Variants in MARF1 observed in about 807,000 individuals in gnomAD.
MARF1 encodes limkain-b1.
Under a neutral mutation model 168.2 loss-of-function variants are expected in MARF1, and 24 were observed. The ratio of observed to expected loss-of-function variants is 0.14; its 90% CI spans 0.10 to 0.20. The LOEUF is 0.20. MARF1 is among the 10% of genes least tolerant of loss of function. MARF1 has a pLI of 1.00. For missense variants in MARF1, 1,744 were observed against 2,143.6 expected (o/e 0.81, Z 3.68); for synonymous variants, 868 against 822.4 (o/e 1.06, Z -0.95).
At chr16:15,626,836 G>A (rs572042155) in intron 7 of MARF1, among the ~76,000 whole-genome samples, 22 of 151,842 alleles carry the variant, frequency 1.4e-4, no homozygotes, top group African/African-American at 2.4e-4. Context: ...AGTGGCAGAC[G>A]CCTGTAATCC....
rs2034718480 is a variant in MARF1, at chr16:15,624,776, A to C, written c.2263T>G (p.Ser755Ala). 1 of 1,613,972 alleles carries C rather than the reference A, an allele frequency of 6.2e-7. No homozygotes were observed. Among genetic ancestry groups the C allele is most frequent in the Non-Finnish European group, 8.5e-7 (1 of 1,179,984 alleles). The change falls in exon 10 of 27, where the codon TCT becomes GCT. Residue 755 changes from serine (S) to alanine (A), a missense_variant. Ser to Ala is a moderately conservative substitution (Grantham distance 99). Around this residue, in one of 7 missense-constraint regions of MARF1, gnomAD observed 270 missense variants for 260.6 expected, o/e 1.04. Coordinates refer to ENST00000396368, the MANE Select transcript of MARF1 (RefSeq NM_014647.4). ...TCAAGAAGCTGGACTCACCTAGAAG[A>C]CCAAGACTGAGATGCGAGCAGAGGA... Reference protein sequence around the residue: ...VSPLLASQSWSSRSMSPNLLN... With the variant: ...VSPLLASQSWASRSMSPNLLN...
intron 22 of MARF1, among the ~76,000 whole-genome samples, chr16:15,603,375 T>C (rs2032700675): frequency 1.3e-5 from 2 of 152,192 alleles, no homozygotes; most frequent in African/African-American, 4.8e-5. Flanking sequence ...GTTCTTGCTA[T>C]GTTGCCCAGG....
intron 20 of MARF1, 88 bp downstream of exon 20, chr16:15,609,435 C>A: frequency 9.1e-7 from 1 of 1,095,356 alleles, no homozygotes; most frequent in East Asian, 2.6e-5. Context: ...CTCCCTACTT[C>A]CCAGAAAAAC....
intron 25 of MARF1, 21 bp from the exon 26 acceptor site, chr16:15,599,045 G>GT (rs778039696): frequency 1.9e-6 from 3 of 1,602,908 alleles, no homozygotes; most frequent in Non-Finnish European, 8.5e-7. Flanking sequence ...AAGGAGGGCC[G>GT]TGACACCACA....
At chr16:15,632,829 G>C (rs151163991) in intron 5 of MARF1, among the ~76,000 whole-genome samples, 2 of 152,108 alleles carry the variant, frequency 1.3e-5, no homozygotes, top group African/African-American at 4.8e-5. Context: ...GCAGACTCTG[G>C]GGGTCAGACA....
intron 25 of MARF1, 47 bp from the exon 26 acceptor site, chr16:15,599,071 C>A (rs2032090372): frequency 6.4e-7 from 1 of 1,570,664 alleles, no homozygotes; most frequent in African/African-American, 1.4e-5. Context: ...TCCACGCCCA[C>A]CCCCAGCACA....
Position 15,625,156 on chromosome 16 carries a change from C to T in MARF1, c.1971G>A (p.Glu657=), listed in dbSNP as rs2034755004. 1.2e-6 allele frequency: 2 copies of T among 1,613,980 alleles called. No homozygotes were observed. The highest frequency in any genetic ancestry group is 1.7e-5 in the Admixed American group (1 of 60,006). Residue 657 remains glutamate, a synonymous_variant, in exon 9 of 27, where the codon GAG becomes GAA. Transcript: ENST00000396368. ...VKSLQELCRM[E]SKTGHRNSEH... ...CACTGTTTCTATGACCAGTTTTTGA[C>T]TCCATGCGGCACAGCTCCTTCAAAG...
At chr16:15,631,205 C>G (rs562170350) in intron 6 of MARF1, among the ~76,000 whole-genome samples, 176 bp downstream of exon 6, 1 of 152,142 alleles carries the variant, frequency 6.6e-6, no homozygotes, top group Admixed American at 6.5e-5. Context: ...GGAGGAAATA[C>G]AGAAATCCAC....
chr16:15,642,322 A>G (rs2036054749), intron 1 of MARF1: 1 of 152,106 alleles, frequency 6.6e-6, no homozygotes, highest in Non-Finnish European at 1.5e-5. Flanking sequence ...ATGTTTTCTT[A>G]TCCACTATTC....
intron 10 of MARF1, among the ~76,000 whole-genome samples, chr16:15,623,898 T>C (rs369794393): frequency 2.6e-5 from 4 of 151,574 alleles, no homozygotes; most frequent in Admixed American, 2.0e-4. Flanking sequence ...TATAGATCCA[T>C]AGTCACTTTC....
rs774642845 is a variant in MARF1, at chr16:15,625,321, A to C, written c.1953+51T>G. ...AGCAAGCGGGCACGTAAAACACAGA[A>C]ACAAACCAAACCTACCATAAACTTC... On this transcript the variant is annotated intron_variant, in intron 8 of 26. Coordinates refer to ENST00000396368, the MANE Select transcript of MARF1 (RefSeq NM_014647.4). The C allele has an allele frequency of 6.1e-5, 95 of 1,561,258 alleles. 2 individuals are homozygous for C. In the South Asian group the frequency reaches 9.9e-4, roughly 16 times the overall value.
At chr16:15,638,340 C>A (rs551159299) in intron 2 of MARF1, among the ~76,000 whole-genome samples, 2 of 151,268 alleles carry the variant, frequency 1.3e-5, no homozygotes, top group African/African-American at 2.4e-5. Flanking sequence ...AATCCCAGCA[C>A]TTTGGGAGGC....
At chr16:15,617,896 A>G (rs1250994516) in intron 13 of MARF1, among the ~76,000 whole-genome samples, 1 of 152,040 alleles carries the variant, frequency 6.6e-6, no homozygotes, top group East Asian at 1.9e-4. Flanking sequence ...CTCCCCTCTC[A>G]GAAGTATATG....
At chr16:15,620,594 A>G in intron 12 of MARF1, 63 bp from the exon 13 acceptor site, 1 of 1,096,204 alleles carries the variant, frequency 9.1e-7, no homozygotes, top group Non-Finnish European at 1.3e-6. Flanking sequence ...TTATATAAAC[A>G]GAGTTCATAA....
At chr16:15,626,684 G>A (rs2034867921) in intron 7 of MARF1, among the ~76,000 whole-genome samples, 1 of 152,176 alleles carries the variant, frequency 6.6e-6, no homozygotes, top group Non-Finnish European at 1.5e-5. Context: ...ACTTGGCCTG[G>A]CACAGTGGCT....
Position 15,633,809 on chromosome 16 carries a change from T to C in MARF1, c.1041A>G (p.Leu347=), listed in dbSNP as rs375799469. ...SPEVAVAGQV[L]ENLPPIGVFW... Reference sequence around the variant, plus strand: ...AAACTCCAATGGGGGGTAAGTTTTCTAGCACCTGTCCAGCTACTGCAACTT... The same window carrying C: ...AAACTCCAATGGGGGGTAAGTTTTCCAGCACCTGTCCAGCTACTGCAACTT... Residue 347 remains leucine, a synonymous_variant, in exon 5 of 27, where the codon CTA becomes CTG. Transcript: ENST00000396368. 82 of 1,613,874 alleles carry C rather than the reference T, an allele frequency of 5.1e-5. No homozygotes were observed. The highest frequency in any genetic ancestry group is 6.6e-5 in the Non-Finnish European group (78 of 1,179,922).
intron 11 of MARF1, among the ~76,000 whole-genome samples, chr16:15,622,577 G>A (rs186054504): frequency 1.2e-4 from 19 of 152,090 alleles, no homozygotes; most frequent in South Asian, 2.1e-4. Flanking sequence ...TAGTAGAGAC[G>A]GGGTTTCACT....
chr16:15,603,246 T>C (rs2032686803), intron 22 of MARF1, among the ~76,000 whole-genome samples: 1 of 152,260 alleles, frequency 6.6e-6, no homozygotes, highest in South Asian at 2.1e-4. Context: ...TAGGATCATT[T>C]TAAGGGACTA....
chr16:15,611,314 C>T (rs1258928176), intron 18 of MARF1, among the ~76,000 whole-genome samples: 1 of 151,900 alleles, frequency 6.6e-6, no homozygotes, highest in Non-Finnish European at 1.5e-5. Context: ...AAAAAATAAG[C>T]CGGGTGTGGT....
Sources: gnomAD v4.1 joint callset for allele counts (sites outside exome capture counted in the v4.1 genomes callset) on GRCh38, gnomAD v4.1.1 for gene constraint, gnomAD v4.1.1 regional missense constraint, MANE v1.5 for transcripts, NCBI Gene and HGNC (gene_info 2026-07-23, HGNC 2026-07-21) for gene names.